C1orf146: variants seen among roughly 807,000 people sequenced by gnomAD.
C1orf146 encodes the protein chromosome 1 open reading frame 146.
In C1orf146, 22 loss-of-function variants were observed where a neutral mutation model predicts 23.0. The observed-to-expected ratio is 0.96, with a 90% CI of 0.68 to 1.36. C1orf146 has a LOEUF of 1.36. Among genes scored for constraint, C1orf146 ranks in the 40% most tolerant of loss-of-function variants. The pLI, the probability that C1orf146 is intolerant of heterozygous loss-of-function variation, is 0.00. For missense variants in C1orf146, 199 were observed against 206.8 expected, an observed-to-expected ratio of 0.96 and a Z score of 0.23; for synonymous variants, 59 against 65.3, an observed-to-expected ratio of 0.90 and a Z score of 0.47.
rs1156381226 is a variant in C1orf146 at position 92,244,814 on chromosome 1, A to C, written c.365A>C (p.His122Pro). 1 of 1,609,814 alleles carries C rather than the reference A, an allele frequency of 6.2e-7. No individual in the cohort carries two copies. The highest frequency in any genetic ancestry group is 1.1e-5 in the South Asian group (1 of 90,624). Residue 122 changes from histidine to proline, a missense_variant, in exon 5 of 6, where the codon CAC (histidine) becomes CCC (proline). Coordinates refer to ENST00000370375, the MANE Select transcript of C1orf146 (RefSeq NM_001012425.2). The part of the protein sequence containing the change: ...LGCNLRILPV[H>P]NTVNAINLMC... ...TGTAACTTACGAATACTTCCAGTAC[A>C]CAACACAGTAAATGCTATTAATCTT...
At position 92,245,569 on chromosome 1, in the gene C1orf146, T is replaced by A. The variant is rs1171774024; in HGVS notation, c.438T>A (p.Ile146=). ...CCTCCAAACCATACATAGATAGCAT[T>A]TGCTACAGAATGATAACAGCTAAAG... ...KTTSKPYIDS[I]CYRMITAKAY... is the part of the protein sequence containing the mutation. The change falls in exon 6 of 6, where the codon ATT becomes ATA. Residue 146 remains isoleucine, a synonymous_variant. Coordinates refer to ENST00000370375, the MANE Select transcript of C1orf146 (RefSeq NM_001012425.2). 1 of 1,596,668 alleles carries A rather than the reference T, an allele frequency of 6.3e-7. No homozygotes were observed.
intron 3 of C1orf146, 66 bp from the exon 4 acceptor site, chr1:92,244,151 T>C: frequency 8.6e-7 from 1 of 1,156,286 alleles, no homozygotes; most frequent in Non-Finnish European, 1.3e-6. Flanking sequence ...TGGTTGATTT[T>C]GAGTTTATAA....
chr1:92,240,963 A>C (rs747152390), intron 2 of C1orf146: 1 of 459,158 alleles, frequency 2.2e-6, no homozygotes, highest in South Asian at 1.6e-5. Context: ...AGAGTCCTAT[A>C]GCTGTTTTCT....
At chr1:92,234,389 T>C (rs1003277629) in intron 2 of C1orf146, among the ~76,000 whole-genome samples, 1 of 152,232 alleles carries the variant, frequency 6.6e-6, no homozygotes, top group East Asian at 1.9e-4. Context: ...TTGTCTTTGG[T>C]TCTGTTTATA....
At chr1:92,244,144 T>C (rs1652505592) in intron 3 of C1orf146, 73 bp from the exon 4 acceptor site, 3 of 1,054,386 alleles carry the variant, frequency 2.8e-6, no homozygotes, top group Non-Finnish European at 4.3e-6. Context: ...GTTATTTTGG[T>C]TGATTTTGAG....
At chr1:92,239,910 C>T (rs1304176743) in intron 2 of C1orf146, among the ~76,000 whole-genome samples, 1 of 152,176 alleles carries the variant, frequency 6.6e-6, no homozygotes, top group African/African-American at 2.4e-5. Flanking sequence ...CAACCCAACT[C>T]CTAAGGCATC....
chr1:92,231,303 A>G (rs575851084), intron 1 of C1orf146, 79 bp from the exon 2 acceptor site: 3 of 650,702 alleles, frequency 4.6e-6, no homozygotes, highest in South Asian at 4.6e-5. Context: ...TGTCTCCAAT[A>G]CCCTAGTTTT....
chr1:92,225,142 C>G (rs1380463986), intron 1 of C1orf146, among the ~76,000 whole-genome samples: 1 of 135,796 alleles, frequency 7.4e-6, no homozygotes, highest in African/African-American at 2.8e-5. Context: ...GAGACAGGGT[C>G]TCACTCTGTC....
intron 1 of C1orf146, among the ~76,000 whole-genome samples, chr1:92,230,690 G>T (rs778142187): frequency 1.3e-5 from 2 of 151,986 alleles, no homozygotes; most frequent in African/African-American, 4.8e-5. Flanking sequence ...TGAGGCAGGA[G>T]GATTGCTTGA....
At chr1:92,236,451 G>C (rs1443930563) in intron 2 of C1orf146, among the ~76,000 whole-genome samples, 7 of 152,126 alleles carry the variant, frequency 4.6e-5, no homozygotes, top group Non-Finnish European at 1.0e-4. Context: ...CTCTCTTCTG[G>C]CTTGTAGAGT....
intron 1 of C1orf146, among the ~76,000 whole-genome samples, chr1:92,226,416 TACAC>T (rs796686364): frequency 8.8e-6 from 1 of 113,988 alleles, no homozygotes. Context: ...CACACACACA[TACAC>T]ACACACACAC....
chr1:92,224,617 A>C (rs1651921383), intron 1 of C1orf146, among the ~76,000 whole-genome samples: 1 of 152,168 alleles, frequency 6.6e-6, no homozygotes. Context: ...CGTTTATCGT[A>C]AAGACAGTCT....
intron 2 of C1orf146, among the ~76,000 whole-genome samples, chr1:92,234,755 T>C (rs911310702): frequency 2.8e-5 from 4 of 145,180 alleles, no homozygotes; most frequent in African/African-American, 1.0e-4. Flanking sequence ...CTCTTTTTGG[T>C]TGGTAAGCTA....
At chr1:92,219,063 A>G (rs1218496388) in intron 1 of C1orf146, among the ~76,000 whole-genome samples, 1 of 152,226 alleles carries the variant, frequency 6.6e-6, no homozygotes, top group African/African-American at 2.4e-5. Context: ...TTAAATGAAC[A>G]TTTATGGATT....
At chr1:92,242,838 G>T (rs1652463004) in intron 3 of C1orf146, among the ~76,000 whole-genome samples, 1 of 152,100 alleles carries the variant, frequency 6.6e-6, no homozygotes, top group Non-Finnish European at 1.5e-5. Flanking sequence ...ATGGGAAGGG[G>T]GGAGGTCCAC....
At chr1:92,229,112 G>A (rs1449196940) in intron 1 of C1orf146, 8 of 506,618 alleles carry the variant, frequency 1.6e-5, no homozygotes, top group African/African-American at 1.4e-4. Context: ...TCAGGATGGA[G>A]CCGCCGATCC....
chr1:92,234,911 A>G (rs972679588), intron 2 of C1orf146, among the ~76,000 whole-genome samples: 1 of 152,224 alleles, frequency 6.6e-6, no homozygotes, highest in African/African-American at 2.4e-5. Context: ...AGGTGTTTGT[A>G]GTATTCTCTG....
intron 1 of C1orf146, among the ~76,000 whole-genome samples, chr1:92,221,682 A>AT (rs1651820939): frequency 6.6e-6 from 1 of 152,146 alleles, no homozygotes; most frequent in Non-Finnish European, 1.5e-5. Context: ...CAAAGAGGTT[A>AT]TTTTTCACTA....
intron 2 of C1orf146, among the ~76,000 whole-genome samples, chr1:92,237,903 TC>T (rs1222327908): frequency 2.0e-5 from 3 of 152,194 alleles, no homozygotes; most frequent in Non-Finnish European, 4.4e-5. Flanking sequence ...TACATTTTCT[TC>T]CTTATGAGTG....
Sources: allele counts gnomAD v4.1 joint callset (sites outside exome capture counted in the v4.1 genomes callset), GRCh38; gene constraint gnomAD v4.1.1; transcripts MANE v1.5; gene names NCBI Gene and HGNC (gene_info 2026-07-23, HGNC 2026-07-21).